MYPN: variants seen among roughly 807,000 people sequenced by gnomAD.
MYPN encodes the protein sarcomeric protein myopalladin, 145 kDa (MYOP).
In MYPN, 63 loss-of-function variants were observed where a neutral mutation model predicts 129.4. The observed-to-expected ratio is 0.49, with a 90% confidence interval of 0.40 to 0.60. MYPN has a LOEUF of 0.60. Ranked by LOEUF, MYPN falls within the 20% of genes least tolerant of loss-of-function variation. MYPN has a pLI of 0.00. For synonymous variants in MYPN, 629 were observed against 600.9 expected, an observed-to-expected ratio of 1.05 and a Z score of -0.68; for missense variants, 1,596 against 1,635.4, an observed-to-expected ratio of 0.98 and a Z score of 0.42.
chr10:68,193,611 T>C (rs1459044333), intron 13 of MYPN, among the ~76,000 whole-genome samples: 1 of 152,172 alleles, frequency 6.6e-6, no homozygotes, highest in African/African-American at 2.4e-5. Flanking sequence ...ACACCCAGCA[T>C]GTTTGTGGCA....
In MYPN at chr10:68,211,869, G is replaced by A. The variant is rs1259576096; in HGVS notation, c.*1414G>A. ...CAGGTGTCTGTTTTCAATTCCCTGT[G>A]CTGGAATCCCTGGTGCTGTCTGTGC... is the stretch of plus-strand genomic sequence containing the variant. On this transcript the variant is annotated 3_prime_UTR_variant, in exon 20 of 20. Transcript: ENST00000358913. The A allele has an allele frequency of 4.4e-6, 2 of 452,882 alleles. No homozygotes were observed. Among genetic ancestry groups the A allele is most frequent in the East Asian group, 1.4e-4 (2 of 14,380 alleles). The allele number at this position is 452,882 out of a possible 1,614,324, so 28.1% of individuals were successfully genotyped here. A position where few individuals can be genotyped will look rare whatever the true frequency, so the allele number is the denominator to read the frequency against.
chr10:68,121,152 C>T (rs2042234941), intron 1 of MYPN, among the ~76,000 whole-genome samples: 1 of 152,126 alleles, frequency 6.6e-6, no homozygotes, highest in Non-Finnish European at 1.5e-5. Flanking sequence ...GTGGCACATG[C>T]CTGTAGTCCC....
chr10:68,206,735 G>T, intron 18 of MYPN, 35 bp from the exon 19 acceptor site: 1 of 1,613,838 alleles, frequency 6.2e-7, no homozygotes, highest in South Asian at 1.1e-5. Flanking sequence ...TCTGCCCCCC[G>T]ATAAAATATA....
rs375531865 is a variant in MYPN, at chr10:68,147,153, A to G, written c.1131-1200A>G. Among the ~76,000 whole-genome samples, 285 of 152,034 alleles carry G rather than the reference A, an allele frequency of 1.9e-3. 9 individuals carry two copies. The South Asian group carries it at 0.058, about 31-fold the overall frequency. On this transcript the variant is annotated intron_variant, in intron 4 of 19. Coordinates refer to ENST00000358913, the MANE Select transcript of MYPN (RefSeq NM_032578.4). ...AACCCTATGAGATAAGAATTTTTTT[A>G]TTATTTATTTGTTTATTTTGAGACA...
chr10:68,176,065 TC>T (rs2043223258), intron 12 of MYPN, among the ~76,000 whole-genome samples: 1 of 152,138 alleles, frequency 6.6e-6, no homozygotes, highest in South Asian at 2.1e-4. Flanking sequence ...TTTAAGGAAT[TC>T]TGGGGTTCTA....
chr10:68,169,863 C>G (rs1157196310), intron 10 of MYPN, among the ~76,000 whole-genome samples: 1 of 152,094 alleles, frequency 6.6e-6, no homozygotes, highest in Non-Finnish European at 1.5e-5. Context: ...CCTCAGCCTC[C>G]CGAGTACCTG....
intron 12 of MYPN, among the ~76,000 whole-genome samples, chr10:68,182,291 ATAACATATATATAAC>A (rs1359068551): frequency 0.018 from 1,061 of 57,438 alleles, 47 homozygotes; most frequent in African/African-American, 0.069. Flanking sequence ...ACATATATAT[ATAACATATATATAAC>A]ACACACATAT....
At chr10:68,151,961 G>C (rs1183040477) in intron 6 of MYPN, among the ~76,000 whole-genome samples, 1 of 152,162 alleles carries the variant, frequency 6.6e-6, no homozygotes, top group Non-Finnish European at 1.5e-5. Flanking sequence ...AAGGTGGTCT[G>C]GGTACAGCTT....
intron 12 of MYPN, among the ~76,000 whole-genome samples, chr10:68,181,844 A>G (rs1445804630): frequency 6.6e-6 from 1 of 151,916 alleles, no homozygotes; most frequent in East Asian, 1.9e-4. Context: ...AGGCATAGCA[A>G]GCTCTCCAAG....
chr10:68,183,507 T>A (rs760798226), intron 12 of MYPN, among the ~76,000 whole-genome samples: 1 of 151,936 alleles, frequency 6.6e-6, no homozygotes, highest in Admixed American at 6.6e-5. Flanking sequence ...TAATACAGAA[T>A]TTCAGGAATT....
chr10:68,194,625 T>C, intron 14 of MYPN, 113 bp downstream of exon 14: 4 of 1,222,246 alleles, frequency 3.3e-6, no homozygotes, highest in South Asian at 1.3e-5. Flanking sequence ...GGAAAATGAA[T>C]GAGAAGCATT....
At chr10:68,185,240 A>G (rs1035351050) in intron 12 of MYPN, among the ~76,000 whole-genome samples, 1 of 151,770 alleles carries the variant, frequency 6.6e-6, no homozygotes, top group South Asian at 2.1e-4. Context: ...AAAGGAAAGG[A>G]AAGGAAAGGA....
intron 2 of MYPN, chr10:68,135,580 G>A (rs766545652): frequency 1.8e-5 from 12 of 650,256 alleles, no homozygotes; most frequent in Non-Finnish European, 2.1e-5. Flanking sequence ...AAGAGATCAA[G>A]CATTGCTAAA....
At chr10:68,206,474 T>G (rs1453851571) in intron 18 of MYPN, among the ~76,000 whole-genome samples, 1 of 152,136 alleles carries the variant, frequency 6.6e-6, no homozygotes, top group Non-Finnish European at 1.5e-5. Flanking sequence ...TCCAACCTTG[T>G]TTGGAAAAGA....
rs766727507 is a variant in MYPN at position 68,158,482 on chromosome 10, A to G, written c.1318-4A>G. 1.2e-6 allele frequency: 2 copies of G among 1,613,482 alleles called. No individual in the cohort carries two copies. The highest frequency in any genetic ancestry group is 2.2e-5 in the South Asian group (2 of 91,056). On this transcript the variant is annotated splice_polypyrimidine_tract_variant and splice_region_variant and intron_variant, in intron 6 of 19. Coordinates refer to ENST00000358913, the MANE Select transcript of MYPN (RefSeq NM_032578.4). ...TTCTAACTACATTCTTCTTATCATT[A>G]TAGATGCTACAAAATTTGTCAGCTT...
intron 10 of MYPN, among the ~76,000 whole-genome samples, chr10:68,169,353 G>A (rs185492538): frequency 0.01 from 1,196 of 115,236 alleles, 10 homozygotes; most frequent in Non-Finnish European, 0.016. Flanking sequence ...GTGAGACTCC[G>A]TCTCAAATTA....
At chr10:68,099,545 C>T (rs1469264196) in intron 1 of MYPN, among the ~76,000 whole-genome samples, 1 of 151,898 alleles carries the variant, frequency 6.6e-6, no homozygotes, top group Non-Finnish European at 1.5e-5. Context: ...GAGGCTAAGA[C>T]ATGAGAATCA....
intron 12 of MYPN, among the ~76,000 whole-genome samples, chr10:68,182,430 C>CATAT (rs369261523): frequency 9.3e-6 from 1 of 107,170 alleles, no homozygotes; most frequent in Non-Finnish European, 2.0e-5. Context: ...ATATATAACA[C>CATAT]ATATATATAA....
chr10:68,186,939 G>A (rs1411727071), intron 12 of MYPN, among the ~76,000 whole-genome samples: 1 of 152,152 alleles, frequency 6.6e-6, no homozygotes, highest in Non-Finnish European at 1.5e-5. Context: ...GCAGGCTATG[G>A]CAGGGAGAGG....
Sources: allele counts gnomAD v4.1 joint callset (sites outside exome capture counted in the v4.1 genomes callset), GRCh38; gene constraint gnomAD v4.1.1; transcripts MANE v1.5; gene names NCBI Gene and HGNC (gene_info 2026-07-23, HGNC 2026-07-21).